Variants in CNTN3 observed in about 807,000 individuals in gnomAD.
CNTN3 encodes the protein contactin 3.
In CNTN3, 60 loss-of-function variants were observed where a neutral mutation model predicts 119.1. That is an observed-to-expected ratio of 0.50 (90% CI 0.41 to 0.62). The LOEUF (loss-of-function observed/expected upper bound fraction) is 0.62. CNTN3 is among the 20% of genes least tolerant of loss of function. CNTN3 has a pLI of 0.00. For missense variants in CNTN3, 1,101 were observed against 1,242.4 expected, an observed-to-expected ratio of 0.89 and a Z score of 1.71; for synonymous variants, 450 against 438.7, an observed-to-expected ratio of 1.03 and a Z score of -0.32.
intron 1 of CNTN3, among the ~76,000 whole-genome samples, chr3:74,572,412 G>A (rs1002963810): frequency 6.6e-6 from 1 of 151,888 alleles, no homozygotes. Context: ...ATACAAAGAA[G>A]AACAGCTAAT....
At chr3:74,469,124 CA>C (rs1213037934) in intron 4 of CNTN3, among the ~76,000 whole-genome samples, 105 of 152,100 alleles carry the variant, frequency 6.9e-4, no homozygotes, top group African/African-American at 2.5e-3. Context: ...AAGGGTAGAA[CA>C]GAAGAGTATT....
chr3:74,601,948 T>C (rs1413982102), intron 1 of CNTN3, among the ~76,000 whole-genome samples: 4 of 152,046 alleles, frequency 2.6e-5, no homozygotes, highest in African/African-American at 7.2e-5. Context: ...AGCCAGACAG[T>C]CCTGCAGATT....
At chr3:74,480,351 A>G (rs1702740757) in intron 4 of CNTN3, among the ~76,000 whole-genome samples, 1 of 152,020 alleles carries the variant, frequency 6.6e-6, no homozygotes. Flanking sequence ...ATCTTTACGT[A>G]TTTTGTAAGA....
At chr3:74,278,426 C>A (rs976781713) in intron 20 of CNTN3, among the ~76,000 whole-genome samples, 1 of 152,044 alleles carries the variant, frequency 6.6e-6, no homozygotes, top group Admixed American at 6.5e-5. Flanking sequence ...ACCAATGGAG[C>A]AGAATAGACA....
chr3:74,298,923 T>C (rs916951367), intron 17 of CNTN3, among the ~76,000 whole-genome samples: 3 of 148,224 alleles, frequency 2.0e-5, no homozygotes, highest in African/African-American at 5.0e-5. Context: ...TAAATACTAA[T>C]TTATAAATTA....
At chr3:74,575,555 G>A (rs534729961) in intron 1 of CNTN3, among the ~76,000 whole-genome samples, 1 of 148,804 alleles carries the variant, frequency 6.7e-6, no homozygotes, top group Non-Finnish European at 1.5e-5. Context: ...GAGCTGATTA[G>A]ATAATTTTTG....
At chr3:74,478,644 C>T (rs1007460751) in intron 4 of CNTN3, among the ~76,000 whole-genome samples, 23 of 152,092 alleles carry the variant, frequency 1.5e-4, no homozygotes, top group African/African-American at 5.3e-4. Flanking sequence ...ATGAGCGACA[C>T]CATAGCGACC....
At chr3:74,408,801 T>A (rs989078347) in intron 5 of CNTN3, among the ~76,000 whole-genome samples, 6 of 152,134 alleles carry the variant, frequency 3.9e-5, no homozygotes, top group Admixed American at 3.9e-4. Context: ...GAATTTCATA[T>A]CATTCATCTC....
chr3:74,297,606 C>T (rs1421632303), intron 18 of CNTN3, among the ~76,000 whole-genome samples: 1 of 152,116 alleles, frequency 6.6e-6, no homozygotes, highest in Non-Finnish European at 1.5e-5. Flanking sequence ...GGAGTAGCTA[C>T]CTGTAGAGAG....
chr3:74,318,612 C>T (rs372961885), intron 13 of CNTN3, among the ~76,000 whole-genome samples: 3 of 152,034 alleles, frequency 2.0e-5, no homozygotes, highest in African/African-American at 4.8e-5. Flanking sequence ...CACTCCAGAC[C>T]CTGTTTGCCT....
intron 4 of CNTN3, among the ~76,000 whole-genome samples, chr3:74,435,698 T>C (rs1167843671): frequency 6.6e-6 from 1 of 152,216 alleles, no homozygotes. Context: ...TTTCACAAAA[T>C]TTCTATTTTA....
At chr3:74,519,051 A>G (rs911250866) in intron 2 of CNTN3, among the ~76,000 whole-genome samples, 1 of 151,870 alleles carries the variant, frequency 6.6e-6, no homozygotes, top group African/African-American at 2.4e-5. Flanking sequence ...TGTAGTCTCA[A>G]TTATAATAGG....
At chr3:74,542,307 C>T (rs1221830711) in intron 1 of CNTN3, among the ~76,000 whole-genome samples, 1 of 152,038 alleles carries the variant, frequency 6.6e-6, no homozygotes, top group Admixed American at 6.6e-5. Context: ...TAAATTTCAT[C>T]CTATAGAGAT....
intron 1 of CNTN3, among the ~76,000 whole-genome samples, chr3:74,588,345 C>G (rs1704635535): frequency 1.3e-5 from 2 of 152,076 alleles, no homozygotes; most frequent in African/African-American, 4.8e-5. Flanking sequence ...TGAGTGAACT[C>G]CCGTTCACAA....
At chr3:74,448,696 G>A (rs1205778662) in intron 4 of CNTN3, among the ~76,000 whole-genome samples, 1 of 152,074 alleles carries the variant, frequency 6.6e-6, no homozygotes, top group South Asian at 2.1e-4. Flanking sequence ...ATAAATATTT[G>A]CTATTATTAT....
At chr3:74,553,655 G>A (rs1000146723) in intron 1 of CNTN3, among the ~76,000 whole-genome samples, 16 of 152,134 alleles carry the variant, frequency 1.1e-4, no homozygotes, top group African/African-American at 3.4e-4. Context: ...ATATCTCATT[G>A]TGGTTTTGAT....
chr3:74,308,926 G>A (rs116033106), intron 13 of CNTN3, among the ~76,000 whole-genome samples: 3,875 of 152,108 alleles, frequency 0.025, 164 homozygotes, highest in African/African-American at 0.087. Flanking sequence ...AATATAATGA[G>A]TAGAAAATTA....
chr3:74,467,073 T>C (rs1702474941), intron 4 of CNTN3, among the ~76,000 whole-genome samples: 1 of 152,152 alleles, frequency 6.6e-6, no homozygotes, highest in South Asian at 2.1e-4. Flanking sequence ...GTACAATTTA[T>C]AGCAAATATA....
chr3:74,479,254 G>A (rs1702715759), intron 4 of CNTN3, among the ~76,000 whole-genome samples: 1 of 148,826 alleles, frequency 6.7e-6, no homozygotes, highest in Non-Finnish European at 1.5e-5. Context: ...TAACCAAGAT[G>A]TGAAATAAAA....
Sources: allele counts gnomAD v4.1 joint callset (sites outside exome capture counted in the v4.1 genomes callset), GRCh38; gene constraint gnomAD v4.1.1; transcripts MANE v1.5; gene names NCBI Gene and HGNC (gene_info 2026-07-23, HGNC 2026-07-21).